Variants in NAV1 observed in about 807,000 individuals in gnomAD.
NAV1 encodes neuron navigator 1.
A neutral mutation model predicts 175.2 loss-of-function variants in NAV1; 18 were observed. That is an observed-to-expected ratio of 0.10 (90% CI 0.07 to 0.15). The LOEUF is 0.15. Ranked by LOEUF, NAV1 falls within the 10% of genes least tolerant of loss-of-function variation. The pLI, the probability that NAV1 is intolerant of heterozygous loss-of-function variation, is 1.00. For missense variants in NAV1, 1,731 were observed against 2,436.6 expected (o/e 0.71, Z 6.10); for synonymous variants, 897 against 978.7 (o/e 0.92, Z 1.56).
chr1:201,616,121 G>A (rs1055795406), intron 2 of NAV1, among the ~76,000 whole-genome samples: 1 of 152,116 alleles, frequency 6.6e-6, no homozygotes, highest in Non-Finnish European at 1.5e-5. Flanking sequence ...ACTCTTCACA[G>A]CAATCCTATG....
At chr1:201,649,770 C>T (rs904909912) in intron 1 of NAV1, among the ~76,000 whole-genome samples, 2 of 152,228 alleles carry the variant, frequency 1.3e-5, no homozygotes, top group Admixed American at 6.5e-5. Flanking sequence ...TGGTGGAAAC[C>T]TCCGTTGTGG....
chr1:201,544,231 G>A (rs1024338971), intron 1 of NAV1, among the ~76,000 whole-genome samples: 7 of 152,134 alleles, frequency 4.6e-5, no homozygotes, highest in Admixed American at 1.3e-4. Flanking sequence ...AAGCTCCCTA[G>A]GTGATTTTGA....
rs138632073 is a variant in NAV1, at chr1:201,765,617, A to G, written c.1227-14804A>G. 3.6e-3 allele frequency among the ~76,000 whole-genome samples: 549 copies of G among 151,406 alleles called. 3 individuals are homozygous for G. Among genetic ancestry groups the G allele is most frequent in the African/African-American group, 0.013 (530 of 41,282 alleles). On this transcript the variant is annotated intron_variant, in intron 3 of 29. Transcript: ENST00000367296. ...ACCATGTTGCCCAGGGTGGTCTTGA[A>G]CTCCTAAGCTCAGGCGATCCGCCCA...
At chr1:201,629,546 G>A (rs1265010229) in intron 2 of NAV1, 39 bp downstream of exon 4, 19 of 1,277,256 alleles carry the variant, frequency 1.5e-5, no homozygotes, top group Middle Eastern at 2.2e-4. Context: ...AGGGTCGGGA[G>A]GCCACTGTGC....
At chr1:201,753,372 GC>G (rs1674251136) in intron 3 of NAV1, among the ~76,000 whole-genome samples, 4 of 152,122 alleles carry the variant, frequency 2.6e-5, no homozygotes, top group Non-Finnish European at 2.9e-5. Flanking sequence ...AACTAGAGAA[GC>G]CCCCATTTAA....
chr1:201,602,028 A>T (rs947198496), intron 2 of NAV1, among the ~76,000 whole-genome samples: 2 of 152,060 alleles, frequency 1.3e-5, no homozygotes, highest in Admixed American at 6.6e-5. Context: ...TATATTTCCC[A>T]TACCCACCCT....
chr1:201,777,242 T>G (rs1676013605), intron 3 of NAV1, among the ~76,000 whole-genome samples: 1 of 152,118 alleles, frequency 6.6e-6, no homozygotes, highest in East Asian at 1.9e-4. Context: ...GTATAGAGAA[T>G]CGCCAGGATA....
At chr1:201,649,303 A>G (rs752202838) in exon 1 of NAV1, 3 of 1,612,998 alleles carry the variant, frequency 1.9e-6, no homozygotes, top group Non-Finnish European at 2.5e-6. Context: ...AAGGCGCAAA[A>G]GAGCTCTGGG....
At chr1:201,674,994 C>T (rs1188080675) in intron 1 of NAV1, among the ~76,000 whole-genome samples, 2 of 149,816 alleles carry the variant, frequency 1.3e-5, no homozygotes, top group African/African-American at 2.5e-5. Flanking sequence ...GAGCGGAGAT[C>T]GCGTCACTGC....
chr1:201,789,836 A>G (rs1676995342), intron 11 of NAV1, 44 bp downstream of exon 15: 1 of 1,564,998 alleles, frequency 6.4e-7, no homozygotes, highest in Non-Finnish European at 8.8e-7. Flanking sequence ...CCTCCCCTCT[A>G]CCATCCCATG....
At chr1:201,629,939 C>A (rs1668438914) in intron 2 of NAV1, among the ~76,000 whole-genome samples, 1 of 152,232 alleles carries the variant, frequency 6.6e-6, no homozygotes, top group Non-Finnish European at 1.5e-5. Context: ...CACTCCCACA[C>A]ATGTCCCCTT....
At chr1:201,767,961 T>C (rs77872632) in intron 3 of NAV1, among the ~76,000 whole-genome samples, 2,955 of 152,302 alleles carry the variant, frequency 0.019, 88 homozygotes, top group African/African-American at 0.068. Context: ...ACCAAACTAG[T>C]CTTAGACTGG....
chr1:201,594,566 G>A (rs377133327), intron 2 of NAV1, among the ~76,000 whole-genome samples: 4 of 152,358 alleles, frequency 2.6e-5, no homozygotes, highest in African/African-American at 2.4e-5. Context: ...GTTGAGGACT[G>A]GCTTTGCTGG....
chr1:201,615,981 G>A (rs1000423239), intron 2 of NAV1, among the ~76,000 whole-genome samples: 1 of 151,886 alleles, frequency 6.6e-6, no homozygotes, highest in Non-Finnish European at 1.5e-5. Context: ...TGGGTACGTG[G>A]GATGGAGGGA....
At chr1:201,680,722 T>A (rs1469179592) in intron 1 of NAV1, among the ~76,000 whole-genome samples, 3 of 152,128 alleles carry the variant, frequency 2.0e-5, no homozygotes, top group Admixed American at 1.3e-4. Flanking sequence ...CATATCACTA[T>A]GTTTTTTATT....
intron 2 of NAV1, among the ~76,000 whole-genome samples, chr1:201,616,846 G>T (rs925603837): frequency 7.2e-5 from 11 of 152,276 alleles, no homozygotes; most frequent in African/African-American, 2.6e-4. Flanking sequence ...GAGTGTGCAT[G>T]TGTTTCTTCC....
chr1:201,817,397 G>T, intron 29 of NAV1, 112 bp downstream of exon 33: 2 of 1,004,280 alleles, frequency 2.0e-6, no homozygotes, highest in Non-Finnish European at 2.9e-6. Context: ...GAGGTGGGAG[G>T]ATTGTTTGAG....
At chr1:201,622,930 G>T in exon 1 of NAV1, 1 of 986,388 alleles carries the variant, frequency 1.0e-6, no homozygotes, top group Non-Finnish European at 1.2e-6. Flanking sequence ...CCCTCACTAC[G>T]CCTCCGCCAT....
rs1665457915 is a variant in NAV1 at position 201,539,969 on chromosome 1, G to A, written c.-144+627G>A. 6.6e-6 allele frequency among the ~76,000 whole-genome samples: 1 copy of A among 152,256 alleles called. No homozygotes were observed. The highest frequency in any genetic ancestry group is 2.1e-4 in the South Asian group (1 of 4,836). On this transcript the variant is annotated intron_variant, in intron 1 of 33. Coordinates refer to the NAV1 transcript ENST00000685211. The surrounding 1 kb of genome is among the most constrained non-coding windows in gnomAD (Gnocchi z 5.6). ...GGGAGCGGAGAAAGTGGTCCCGGAGGAGAGGGGAGAGAGGAGAACGCAGAA... is the reference window on the plus strand; with the variant it reads ...GGGAGCGGAGAAAGTGGTCCCGGAGAAGAGGGGAGAGAGGAGAACGCAGAA...
Sources: allele counts gnomAD v4.1 joint callset (sites outside exome capture counted in the v4.1 genomes callset), GRCh38; gene constraint gnomAD v4.1.1; non-coding constraint Gnocchi (gnomAD v3.1); transcripts MANE v1.5; gene names NCBI Gene and HGNC (gene_info 2026-07-23, HGNC 2026-07-21).